Variants in CSMD2 observed in about 807,000 individuals in gnomAD.
CSMD2 encodes the protein CUB and sushi domain-containing protein 2.
CSMD2 carries 130 observed loss-of-function variants against 398.5 expected under a neutral mutation model. The ratio of observed to expected loss-of-function variants is 0.33; its 90% CI spans 0.28 to 0.38. The LOEUF (loss-of-function observed/expected upper bound fraction) is 0.38. Ranked by LOEUF, CSMD2 falls within the 10% of genes least tolerant of loss-of-function variation. The pLI is 1.00. For missense variants in CSMD2, 3,829 were observed against 4,764.9 expected, an observed-to-expected ratio of 0.80 and a Z score of 5.78; for synonymous variants, 1,828 against 1,908.5, an observed-to-expected ratio of 0.96 and a Z score of 1.10.
chr1:33,985,241 A>C (rs998651854), intron 3 of CSMD2, among the ~76,000 whole-genome samples: 26 of 152,152 alleles, frequency 1.7e-4, no homozygotes, highest in African/African-American at 6.3e-4. Flanking sequence ...TTCCTTCCCC[A>C]TCCACCCCAC....
intron 12 of CSMD2, among the ~76,000 whole-genome samples, chr1:33,787,903 G>C (rs757931222): frequency 4.5e-4 from 68 of 152,240 alleles, no homozygotes; most frequent in Non-Finnish European, 4.4e-4. Context: ...CAACAGTGGT[G>C]TTTATCTGTT....
chr1:33,847,019 G>C (rs756962382), intron 5 of CSMD2, 23 bp from the exon 6 acceptor site: 1 of 1,547,064 alleles, frequency 6.5e-7, no homozygotes, highest in African/African-American at 1.4e-5. Flanking sequence ...GAAGCAGATG[G>C]GCTCAGGGAC....
chr1:33,519,250 A>G lies in CSMD2; in HGVS notation c.*53+215T>C, dbSNP rs953149716. Among the ~76,000 whole-genome samples the G allele has an allele frequency of 6.6e-6, 1 of 152,178 alleles. No homozygotes were observed. The highest frequency in any genetic ancestry group is 1.5e-5 in the Non-Finnish European group (1 of 68,028). The stretch of plus-strand genomic sequence containing the variant: ...TTCTCATCTGTAATGGGGCTCCCAC[A>G]AGCTTCTACCTCACAGGGCGTGCAG... On this transcript the variant is annotated intron_variant, in intron 70 of 70. Transcript: ENST00000373381. The surrounding 1 kb of genome is among the most constrained non-coding windows in gnomAD (Gnocchi z 5.6).
intron 44 of CSMD2, chr1:33,600,161 A>G (rs1391368862): frequency 1.4e-6 from 1 of 715,954 alleles, no homozygotes; most frequent in African/African-American, 1.7e-5. Context: ...GACCTGTGCA[A>G]GGTTTTACAC....
intron 2 of CSMD2, among the ~76,000 whole-genome samples, chr1:34,062,375 C>T (rs925053643): frequency 6.6e-6 from 1 of 152,196 alleles, no homozygotes; most frequent in Admixed American, 6.5e-5. Flanking sequence ...ATGGTACACA[C>T]GACTGGTAGC....
At chr1:33,554,673 A>G (rs1451004196) in intron 55 of CSMD2, among the ~76,000 whole-genome samples, 1 of 152,114 alleles carries the variant, frequency 6.6e-6, no homozygotes, top group Non-Finnish European at 1.5e-5. Context: ...ATTATTCCAA[A>G]TCTGCTCTGC....
chr1:33,935,640 T>G, intron 4 of CSMD2, 120 bp downstream of exon 4: 1 of 1,075,402 alleles, frequency 9.3e-7, no homozygotes. Context: ...TGTCCAGACT[T>G]GGGTACCCCC....
chr1:33,594,079 T>C (rs1489517415), intron 44 of CSMD2, among the ~76,000 whole-genome samples: 2 of 152,240 alleles, frequency 1.3e-5, no homozygotes, highest in African/African-American at 4.8e-5. Flanking sequence ...TAAGAATTAT[T>C]GTATTTGCAC....
chr1:33,526,325 A>G (rs1159119142), intron 65 of CSMD2, among the ~76,000 whole-genome samples: 1 of 152,174 alleles, frequency 6.6e-6, no homozygotes, highest in East Asian at 1.9e-4. Context: ...CCAGAGTCTA[A>G]TCTTAGCTCT....
intron 4 of CSMD2, among the ~76,000 whole-genome samples, chr1:33,919,997 G>C (rs1299279007): frequency 6.6e-6 from 1 of 152,152 alleles, no homozygotes; most frequent in African/African-American, 2.4e-5. Flanking sequence ...TAACTCTATA[G>C]TAAATGAGCT....
At chr1:34,118,194 C>T (rs550852745) in intron 1 of CSMD2, among the ~76,000 whole-genome samples, 43 of 152,156 alleles carry the variant, frequency 2.8e-4, no homozygotes, top group African/African-American at 9.4e-4. Flanking sequence ...TTAGCCCAGT[C>T]GACAGAGTGA....
intron 15 of CSMD2, among the ~76,000 whole-genome samples, chr1:33,730,774 T>C (rs992291838): frequency 6.6e-6 from 1 of 152,120 alleles, no homozygotes. Flanking sequence ...AAAGGAGATA[T>C]GGATATGATA....
chr1:34,019,900 T>C (rs1424363032), intron 3 of CSMD2, among the ~76,000 whole-genome samples: 7 of 152,216 alleles, frequency 4.6e-5, no homozygotes, highest in Admixed American at 4.6e-4. Flanking sequence ...TTCTGGTCTT[T>C]GATTCCATTC....
At chr1:34,145,701 T>C (rs1253621701) in intron 1 of CSMD2, among the ~76,000 whole-genome samples, 1 of 152,294 alleles carries the variant, frequency 6.6e-6, no homozygotes, top group East Asian at 1.9e-4. Flanking sequence ...AGTTAGGTTG[T>C]GTCGAGGAAC....
chr1:33,732,932 T>G (rs1356396778), intron 15 of CSMD2, among the ~76,000 whole-genome samples: 2 of 152,194 alleles, frequency 1.3e-5, no homozygotes, highest in Non-Finnish European at 2.9e-5. Flanking sequence ...GACATTAACC[T>G]CATTTCATAG....
rs749435985 is a variant in CSMD2, at chr1:33,702,761, G to A, written c.3577-2088C>T. 1.4e-4 allele frequency among the ~76,000 whole-genome samples: 22 copies of A among 151,946 alleles called. 1 individual carries two copies. Among genetic ancestry groups the A allele is most frequent in the Non-Finnish European group, 2.6e-4 (18 of 67,970 alleles). On this transcript the variant is annotated intron_variant, in intron 22 of 70. Transcript: ENST00000373381. Reference sequence around the variant, plus strand: ...GCAAGATAATTATTTACATATCAGCGCCCAAAATATATGCTCTGGCACATA... The same window carrying A: ...GCAAGATAATTATTTACATATCAGCACCCAAAATATATGCTCTGGCACATA...
At chr1:33,701,939 G>A (rs1215797176) in intron 22 of CSMD2, among the ~76,000 whole-genome samples, 2 of 152,196 alleles carry the variant, frequency 1.3e-5, no homozygotes, top group Non-Finnish European at 2.9e-5. Flanking sequence ...GACACCATGT[G>A]TTTCTTTAAT....
intron 1 of CSMD2, among the ~76,000 whole-genome samples, chr1:34,141,175 C>T (rs1411319393): frequency 2.0e-5 from 3 of 151,524 alleles, no homozygotes; most frequent in Admixed American, 6.6e-5. Context: ...CCCCCATACA[C>T]TGGAGTTATT....
At chr1:33,541,109 C>T in intron 59 of CSMD2, 21 bp downstream of exon 59, 1 of 1,611,208 alleles carries the variant, frequency 6.2e-7, no homozygotes, top group Non-Finnish European at 8.5e-7. Flanking sequence ...TCTCTGTCCA[C>T]ATTTGCAGCC....
Sources: allele counts gnomAD v4.1 joint callset (sites outside exome capture counted in the v4.1 genomes callset), GRCh38; gene constraint gnomAD v4.1.1; non-coding constraint Gnocchi (gnomAD v3.1); transcripts MANE v1.5; gene names NCBI Gene and HGNC (gene_info 2026-07-23, HGNC 2026-07-21).